DGLUCY: variants seen among roughly 807,000 people sequenced by gnomAD.
DGLUCY encodes the protein D-glutamate cyclase, mitochondrial.
A neutral mutation model predicts 58.5 loss-of-function variants in DGLUCY; 58 were observed. The ratio of observed to expected loss-of-function variants is 0.99; its 90% CI spans 0.80 to 1.23. The LOEUF (loss-of-function observed/expected upper bound fraction) is 1.23, where lower values mean the gene tolerates loss of function less well. DGLUCY is among the 50% of genes most tolerant of loss of function. The pLI is 0.00. For synonymous variants in DGLUCY, 325 were observed against 314.1 expected (o/e 1.03, Z -0.37); for missense variants, 779 against 784.7 (o/e 0.99, Z 0.09).
chr14:91,198,727 C>T (rs373300591), intron 10 of DGLUCY, among the ~76,000 whole-genome samples: 1 of 152,170 alleles, frequency 6.6e-6, no homozygotes, highest in Non-Finnish European at 1.5e-5. Flanking sequence ...CCAACACTGA[C>T]TGAGCACTGA....
At chr14:91,214,475 C>T (rs985219097) in intron 12 of DGLUCY, among the ~76,000 whole-genome samples, 3 of 152,208 alleles carry the variant, frequency 2.0e-5, no homozygotes, top group East Asian at 1.9e-4. Flanking sequence ...AGAGGTCATG[C>T]GATCCAGCGC....
rs377043453 is a variant in DGLUCY at position 91,224,818 on chromosome 14, C to T, written c.1851C>T (p.Thr617=). Residue 617 remains threonine (T), a synonymous_variant, in exon 14 of 14, where the codon ACC becomes ACT. Transcript: ENST00000256324. ...TGATCCAGAAGCTGGTGGACGTCACCACGGCACAGGTGTAACCGTCCATGT... is the reference window on the plus strand; with the variant it reads ...TGATCCAGAAGCTGGTGGACGTCACTACGGCACAGGTGTAACCGTCCATGT... ...AEMIQKLVDV[T]TAQV 6.2e-7 allele frequency: 1 copy of T among 1,612,506 alleles called. No individual in the cohort carries two copies. Among genetic ancestry groups the T allele is most frequent in the African/African-American group, 1.3e-5 (1 of 74,874 alleles).
chr14:91,129,370 C>G (rs190071789), intron 1 of DGLUCY, among the ~76,000 whole-genome samples: 2 of 152,152 alleles, frequency 1.3e-5, no homozygotes, highest in Admixed American at 6.6e-5. Context: ...CCTTTACACA[C>G]ATACCCTTAA....
chr14:91,189,482 G>A (rs1003344232), intron 9 of DGLUCY, among the ~76,000 whole-genome samples: 8 of 152,176 alleles, frequency 5.3e-5, no homozygotes, highest in African/African-American at 9.7e-5. Context: ...TTAGCAATCC[G>A]GGGCAGCCCT....
intron 1 of DGLUCY, among the ~76,000 whole-genome samples, chr14:91,117,268 C>G (rs892705519): frequency 2.0e-5 from 3 of 152,166 alleles, no homozygotes; most frequent in African/African-American, 7.2e-5. Flanking sequence ...TTGGTTTTGG[C>G]TGGTTTCTTT....
At chr14:91,121,623 A>C (rs1037401508) in intron 1 of DGLUCY, among the ~76,000 whole-genome samples, 1 of 139,934 alleles carries the variant, frequency 7.1e-6, no homozygotes, top group Non-Finnish European at 1.6e-5. Context: ...AATAATAATA[A>C]TAATAATAAT....
At chr14:91,187,414 C>T (rs1461587000) in intron 8 of DGLUCY, among the ~76,000 whole-genome samples, 1 of 152,244 alleles carries the variant, frequency 6.6e-6, no homozygotes, top group African/African-American at 2.4e-5. Flanking sequence ...GTGTCCCACA[C>T]ACTGCCTTCG....
chr14:91,208,056 T>C (rs1340213541), intron 12 of DGLUCY, among the ~76,000 whole-genome samples: 2 of 152,172 alleles, frequency 1.3e-5, no homozygotes, highest in African/African-American at 4.8e-5. Context: ...CCACCTTTAA[T>C]CTTTACATTA....
intron 1 of DGLUCY, among the ~76,000 whole-genome samples, chr14:91,143,701 C>T (rs1311742577): frequency 1.3e-5 from 2 of 152,120 alleles, no homozygotes; most frequent in Non-Finnish European, 2.9e-5. Context: ...GACAATATAC[C>T]TGTGAGGGCC....
chr14:91,169,602 G>A (rs2048459160), intron 4 of DGLUCY, among the ~76,000 whole-genome samples: 1 of 151,628 alleles, frequency 6.6e-6, no homozygotes, highest in Non-Finnish European at 1.5e-5. Context: ...TATAGACGGG[G>A]TTTCACCTTG....
At chr14:91,212,206 A>G (rs1275352670) in intron 12 of DGLUCY, among the ~76,000 whole-genome samples, 2 of 152,142 alleles carry the variant, frequency 1.3e-5, no homozygotes. Context: ...TGCAAACGAC[A>G]ATGTTAAGAG....
chr14:91,192,903 G>A (rs182646273), intron 9 of DGLUCY, among the ~76,000 whole-genome samples: 3 of 152,310 alleles, frequency 2.0e-5, no homozygotes, highest in Non-Finnish European at 4.4e-5. Context: ...TAGGTATGAG[G>A]TGCGTCTATT....
intron 12 of DGLUCY, among the ~76,000 whole-genome samples, chr14:91,207,821 G>A (rs546958233): frequency 1.2e-4 from 18 of 151,586 alleles, no homozygotes; most frequent in African/African-American, 4.1e-4. Flanking sequence ...ATCTCGGCTC[G>A]CCACAGCCTC....
chr14:91,202,903 C>A (rs927013007), intron 11 of DGLUCY, among the ~76,000 whole-genome samples: 1 of 152,230 alleles, frequency 6.6e-6, no homozygotes, highest in African/African-American at 2.4e-5. Context: ...CCAGACCCTC[C>A]TGCCCAGCAA....
intron 8 of DGLUCY, among the ~76,000 whole-genome samples, chr14:91,184,346 C>G (rs2049355960): frequency 6.6e-6 from 1 of 151,420 alleles, no homozygotes; most frequent in Admixed American, 6.6e-5. Flanking sequence ...GAGTTGAAGA[C>G]CAGCCTGGCC....
chr14:91,201,996 A>G (rs1337326382), intron 11 of DGLUCY, among the ~76,000 whole-genome samples: 1 of 151,686 alleles, frequency 6.6e-6, no homozygotes, highest in Non-Finnish European at 1.5e-5. Context: ...TGGAAGTTAC[A>G]GTGAGCCAAG....
At chr14:91,182,627 C>T (rs1485716308) in intron 8 of DGLUCY, among the ~76,000 whole-genome samples, 1 of 152,106 alleles carries the variant, frequency 6.6e-6, no homozygotes, top group African/African-American at 2.4e-5. Flanking sequence ...CCCTAATCTC[C>T]CCCTTTAGTG....
chr14:91,152,364 C>T (rs1430953166), intron 1 of DGLUCY, among the ~76,000 whole-genome samples: 2 of 152,022 alleles, frequency 1.3e-5, no homozygotes, highest in African/African-American at 4.8e-5. Context: ...ACTACCTGCA[C>T]TCCAGCCTGA....
chr14:91,090,084 G>A (rs370316368), intron 1 of DGLUCY, among the ~76,000 whole-genome samples: 2 of 152,174 alleles, frequency 1.3e-5, no homozygotes, highest in African/African-American at 4.8e-5. Flanking sequence ...GACTGTGCAG[G>A]TATCTGGCTG....
Sources: gnomAD v4.1 joint callset for allele counts (sites outside exome capture counted in the v4.1 genomes callset) on GRCh38, gnomAD v4.1.1 for gene constraint, MANE v1.5 for transcripts, NCBI Gene and HGNC (gene_info 2026-07-23, HGNC 2026-07-21) for gene names.